Variants in PAK5 observed in about 807,000 individuals in gnomAD.
PAK5 encodes the protein p21 (RAC1) activated kinase 5.
Under a neutral mutation model 65.9 loss-of-function variants are expected in PAK5, and 16 were observed. The ratio of observed to expected loss-of-function variants is 0.24; its 90% CI spans 0.16 to 0.37. PAK5 has a LOEUF of 0.37. Ranked by LOEUF, PAK5 falls within the 10% of genes least tolerant of loss-of-function variation. PAK5 has a pLI of 1.00. For synonymous variants in PAK5, 371 were observed against 354.9 expected (o/e 1.05, Z -0.51); for missense variants, 785 against 903.9 (o/e 0.87, Z 1.69).
chr20:9,783,194 C>T (rs2048960591), intron 1 of PAK5, among the ~76,000 whole-genome samples: 1 of 152,090 alleles, frequency 6.6e-6, no homozygotes, highest in African/African-American at 2.4e-5. Flanking sequence ...CCCTAGCCTC[C>T]CAAAGTGCTG....
chr20:9,813,034 T>G (rs2049315958), intron 1 of PAK5, among the ~76,000 whole-genome samples: 2 of 152,090 alleles, frequency 1.3e-5, no homozygotes, highest in Non-Finnish European at 2.9e-5. Flanking sequence ...AACCATACAA[T>G]GGAATGCCAC....
At chr20:9,543,292 A>G (rs1188660611) in intron 8 of PAK5, among the ~76,000 whole-genome samples, 1 of 152,200 alleles carries the variant, frequency 6.6e-6, no homozygotes, top group Non-Finnish European at 1.5e-5. Flanking sequence ...CAGGGATTGG[A>G]GAAAAGAAAA....
At chr20:9,673,054 A>C (rs572562884) in intron 2 of PAK5, among the ~76,000 whole-genome samples, 3 of 152,298 alleles carry the variant, frequency 2.0e-5, no homozygotes, top group South Asian at 2.1e-4. Flanking sequence ...GCCCATATGA[A>C]AGGAAAAAAA....
At chr20:9,614,368 T>C (rs747644739) in intron 3 of PAK5, among the ~76,000 whole-genome samples, 4 of 151,862 alleles carry the variant, frequency 2.6e-5, no homozygotes, top group Admixed American at 6.6e-5. Flanking sequence ...TTAGAAAAGG[T>C]ATATGTTTAA....
chr20:9,563,019 C>T lies in PAK5; in HGVS notation c.1488G>A (p.Val496=). ...QRRELLFNEV[V]IMRDYHHDNV... ...TGTCATGGTGGTAATCCCGCATGAT[C>T]ACGACCTGGGGAAACGGGAAATATA... The change falls in exon 6 of 10, where the codon GTG becomes GTA. Residue 496 remains valine, a synonymous_variant. Coordinates refer to ENST00000353224, the MANE Select transcript of PAK5 (RefSeq NM_177990.4). 1.9e-6 allele frequency: 3 copies of T among 1,613,030 alleles called. No individual in the cohort carries two copies. The highest frequency in any genetic ancestry group is 2.5e-6 in the Non-Finnish European group (3 of 1,179,516).
chr20:9,612,602 C>A (rs144715002), intron 3 of PAK5, among the ~76,000 whole-genome samples: 3 of 152,210 alleles, frequency 2.0e-5, no homozygotes, highest in Non-Finnish European at 4.4e-5. Flanking sequence ...AGTACCAAGA[C>A]GGTTGGTGCT....
intron 1 of PAK5, among the ~76,000 whole-genome samples, chr20:9,837,105 G>T (rs1979208838): frequency 1.3e-5 from 2 of 152,122 alleles, no homozygotes; most frequent in Admixed American, 6.5e-5. Flanking sequence ...ATAACAAGCT[G>T]CAGAGACCTA....
intron 1 of PAK5, among the ~76,000 whole-genome samples, chr20:9,755,517 A>G (rs942668525): frequency 6.6e-6 from 1 of 152,202 alleles, no homozygotes; most frequent in Non-Finnish European, 1.5e-5. Flanking sequence ...AAAGGTCTGT[A>G]AAGTTTATGC....
chr20:9,576,174 G>T (rs1380685801), intron 4 of PAK5, among the ~76,000 whole-genome samples: 1 of 152,110 alleles, frequency 6.6e-6, no homozygotes, highest in Non-Finnish European at 1.5e-5. Context: ...TGAGACACGG[G>T]CTGTCTTTAT....
intron 1 of PAK5, among the ~76,000 whole-genome samples, chr20:9,805,141 A>G (rs915573072): frequency 7.2e-5 from 11 of 152,182 alleles, no homozygotes; most frequent in Admixed American, 7.2e-4. Flanking sequence ...ATCATTAGTC[A>G]TCAGTGAAAT....
At chr20:9,618,422 T>G (rs2046701312) in intron 3 of PAK5, among the ~76,000 whole-genome samples, 1 of 150,566 alleles carries the variant, frequency 6.6e-6, no homozygotes, top group Non-Finnish European at 1.5e-5. Context: ...TTTTTTTTTT[T>G]TTGAGACAGA....
At chr20:9,671,389 A>G (rs1232793957) in intron 2 of PAK5, among the ~76,000 whole-genome samples, 1 of 152,146 alleles carries the variant, frequency 6.6e-6, no homozygotes, top group Non-Finnish European at 1.5e-5. Flanking sequence ...CACGATATTG[A>G]TTCTTCCTAC....
chr20:9,822,287 T>C (rs540078341), intron 1 of PAK5, among the ~76,000 whole-genome samples: 1,422 of 67,184 alleles, frequency 0.021, 6 homozygotes, highest in Non-Finnish European at 0.028. Context: ...GTGAGATCTG[T>C]CTCAAAAAAA....
intron 2 of PAK5, among the ~76,000 whole-genome samples, chr20:9,666,797 CTA>C (rs1357536205): frequency 2.0e-5 from 3 of 152,186 alleles, no homozygotes; most frequent in African/African-American, 7.2e-5. Context: ...TAGCATAACT[CTA>C]TGAGATATGG....
rs376194409 is a variant in PAK5 at position 9,685,878 on chromosome 20, C to G, written c.-12+25408G>C. On this transcript the variant is annotated intron_variant, in intron 2 of 9. Transcript: ENST00000353224. Reference sequence around the variant, plus strand: ...CCCTCTGTGTTATGAAGTACAGCCCCATTCTGCCTGCATCCCTGGCCTGGA... The same window carrying G: ...CCCTCTGTGTTATGAAGTACAGCCCGATTCTGCCTGCATCCCTGGCCTGGA... Among the ~76,000 whole-genome samples, 40 of 152,312 alleles carry G rather than the reference C, an allele frequency of 2.6e-4. No individual in the cohort carries two copies. In the South Asian group the frequency reaches 3.7e-3, roughly 14 times the overall value.
chr20:9,635,725 T>A (rs2046975483), intron 3 of PAK5, among the ~76,000 whole-genome samples: 1 of 152,152 alleles, frequency 6.6e-6, no homozygotes, highest in African/African-American at 2.4e-5. Flanking sequence ...GCAAAAAAGA[T>A]GCTTCTAGCT....
At chr20:9,715,968 T>A (rs1436303193) in intron 1 of PAK5, among the ~76,000 whole-genome samples, 12 of 152,010 alleles carry the variant, frequency 7.9e-5, no homozygotes, top group Admixed American at 7.9e-4. Context: ...ATGGATGCAG[T>A]ACACCAACAT....
chr20:9,753,727 A>G (rs911842592), intron 1 of PAK5, among the ~76,000 whole-genome samples: 4 of 152,166 alleles, frequency 2.6e-5, no homozygotes, highest in Non-Finnish European at 5.9e-5. Context: ...GCCAAAGCCT[A>G]CTGAAAACAC....
chr20:9,683,072 G>A (rs6133739), intron 2 of PAK5, among the ~76,000 whole-genome samples: 40,446 of 152,100 alleles, frequency 0.27, 5,553 homozygotes, highest in East Asian at 0.36. Flanking sequence ...AGGGACCGAA[G>A]TGAATCTATA....
Sources: allele counts gnomAD v4.1 joint callset (sites outside exome capture counted in the v4.1 genomes callset), GRCh38; gene constraint gnomAD v4.1.1; transcripts MANE v1.5; gene names NCBI Gene and HGNC (gene_info 2026-07-23, HGNC 2026-07-21).